LARGE1: variants seen among roughly 807,000 people sequenced by gnomAD.
LARGE1 encodes the protein LARGE xylosyl- and glucuronyltransferase 1, also known as xylosyl- and glucuronyltransferase LARGE1.
Under a neutral mutation model 87.6 loss-of-function variants are expected in LARGE1, and 43 were observed. The ratio of observed to expected loss-of-function variants is 0.49; its 90% CI spans 0.38 to 0.63. LARGE1 has a LOEUF of 0.63. Ranked by LOEUF, LARGE1 falls within the 30% of genes least tolerant of loss-of-function variation. LARGE1 has a pLI of 0.00. For missense variants in LARGE1, 802 were observed against 1,000.2 expected, an observed-to-expected ratio of 0.80 and a Z score of 2.67; for synonymous variants, 434 against 394.6, an observed-to-expected ratio of 1.10 and a Z score of -1.18.
chr22:33,780,121 C>T (rs1385759726), intron 1 of LARGE1, among the ~76,000 whole-genome samples: 3 of 152,164 alleles, frequency 2.0e-5, no homozygotes, highest in Admixed American at 6.5e-5. Context: ...AACCTTCACG[C>T]GACATTGTGC....
intron 1 of LARGE1, among the ~76,000 whole-genome samples, chr22:33,847,610 C>A (rs563401655): frequency 1.3e-5 from 2 of 152,270 alleles, no homozygotes; most frequent in South Asian, 4.2e-4. Context: ...ATAGCCAGCC[C>A]CATTAAATCC....
chr22:33,538,635 A>G (rs1602316984), intron 6 of LARGE1, among the ~76,000 whole-genome samples: 1 of 152,110 alleles, frequency 6.6e-6, no homozygotes, highest in Non-Finnish European at 1.5e-5. Flanking sequence ...AAAACAGGGC[A>G]CCTGCCTGGG....
chr22:33,412,846 A>C (rs558729600), intron 7 of LARGE1, among the ~76,000 whole-genome samples: 12 of 152,208 alleles, frequency 7.9e-5, no homozygotes, highest in African/African-American at 2.9e-4. Flanking sequence ...TTTTTAGTAG[A>C]GACAGCGTTT....
At chr22:33,773,220 C>G (rs1398281842) in intron 1 of LARGE1, among the ~76,000 whole-genome samples, 1 of 152,210 alleles carries the variant, frequency 6.6e-6, no homozygotes, top group Non-Finnish European at 1.5e-5. Flanking sequence ...ATCCTCTGGC[C>G]TGTCAAACTG....
At chr22:33,533,366 G>A (rs2267226) in intron 6 of LARGE1, among the ~76,000 whole-genome samples, 90,086 of 151,968 alleles carry the variant, frequency 0.59, 26,931 homozygotes, top group Admixed American at 0.67. Context: ...ATATCAGCTG[G>A]GTTCCATTCG....
chr22:33,754,076 G>A (rs899664830), intron 2 of LARGE1, among the ~76,000 whole-genome samples: 1 of 151,904 alleles, frequency 6.6e-6, no homozygotes, highest in Non-Finnish European at 1.5e-5. Context: ...AAAAGTAAAA[G>A]GAAAGTAGAG....
At chr22:33,749,054 A>G (rs1486242680) in intron 2 of LARGE1, among the ~76,000 whole-genome samples, 1 of 152,236 alleles carries the variant, frequency 6.6e-6, no homozygotes, top group African/African-American at 2.4e-5. Flanking sequence ...TTGTTAAATG[A>G]CCACTGTCGG....
chr22:33,410,653 A>C (rs1282011716), intron 7 of LARGE1, among the ~76,000 whole-genome samples: 2 of 152,006 alleles, frequency 1.3e-5, no homozygotes, highest in African/African-American at 2.4e-5. Context: ...TCCTTTATAA[A>C]TTACCCAGTC....
intron 5 of LARGE1, among the ~76,000 whole-genome samples, chr22:33,587,660 T>C: frequency 6.6e-6 from 1 of 152,166 alleles, no homozygotes; most frequent in East Asian, 1.9e-4. Flanking sequence ...TTTAATTTTG[T>C]TTCAGTTTAT....
intron 11 of LARGE1, among the ~76,000 whole-genome samples, chr22:33,265,163 C>T (rs767281723): frequency 1.3e-4 from 20 of 151,970 alleles, no homozygotes; most frequent in South Asian, 2.1e-4. Context: ...TCTCAGCCTC[C>T]GAAAGTGCTG....
At chr22:33,146,898 A>G in the LARGE1 span, among the ~76,000 whole-genome samples, 2 of 152,204 alleles carry the variant, frequency 1.3e-5, no homozygotes, top group African/African-American at 4.8e-5. Context: ...CTTCCAGTCT[A>G]CAGCCGTGTC....
At chr22:33,649,471 G>A (rs1319384961) in intron 3 of LARGE1, among the ~76,000 whole-genome samples, 1 of 152,162 alleles carries the variant, frequency 6.6e-6, no homozygotes, top group Non-Finnish European at 1.5e-5. Flanking sequence ...TTTTGAAAAT[G>A]TACTATGTAC....
At chr22:33,612,405 G>A (rs2149016518) in intron 4 of LARGE1, among the ~76,000 whole-genome samples, 1 of 152,334 alleles carries the variant, frequency 6.6e-6, no homozygotes, top group East Asian at 1.9e-4. Context: ...CCCAGCCTCA[G>A]TTGTTTCTTT....
chr22:33,244,217 G>A (rs774944501), intron 11 of LARGE1, among the ~76,000 whole-genome samples: 20 of 151,352 alleles, frequency 1.3e-4, no homozygotes, highest in Non-Finnish European at 2.4e-4. Context: ...GGATGGTCTC[G>A]ATCTCCTGAC....
At chr22:33,496,621 T>A (rs1257626610) in intron 6 of LARGE1, among the ~76,000 whole-genome samples, 2 of 152,206 alleles carry the variant, frequency 1.3e-5, no homozygotes, top group Non-Finnish European at 2.9e-5. Context: ...GCTATGTTGT[T>A]AGCAGCCTGA....
chr22:33,204,030 C>A (rs1412280127), intron 11 of LARGE1, among the ~76,000 whole-genome samples: 4 of 152,106 alleles, frequency 2.6e-5, no homozygotes, highest in Non-Finnish European at 2.9e-5. Flanking sequence ...TCATTAATAT[C>A]TTTGGGAGAG....
At chr22:33,821,742 C>CAT (rs35412196) in intron 1 of LARGE1, among the ~76,000 whole-genome samples, 89,489 of 151,596 alleles carry the variant, frequency 0.59, 28,248 homozygotes, top group African/African-American at 0.83. Flanking sequence ...TGTATACATA[C>CAT]ATGTGTGTAT....
At chr22:33,587,095 G>A (rs1383400247) in intron 5 of LARGE1, among the ~76,000 whole-genome samples, 3 of 152,004 alleles carry the variant, frequency 2.0e-5, no homozygotes, top group Admixed American at 6.6e-5. Flanking sequence ...AACATTCAAC[G>A]TTGCTATTAA....
At chr22:33,486,911 G>A (rs956562926) in intron 6 of LARGE1, among the ~76,000 whole-genome samples, 1 of 152,134 alleles carries the variant, frequency 6.6e-6, no homozygotes, top group Admixed American at 6.5e-5. Context: ...AATATATCTA[G>A]GTCTCTATCA....
Sources: allele counts gnomAD v4.1 joint callset (sites outside exome capture counted in the v4.1 genomes callset), GRCh38; gene constraint gnomAD v4.1.1; transcripts MANE v1.5; gene names NCBI Gene and HGNC (gene_info 2026-07-23, HGNC 2026-07-21).